Variants in SCUBE1 observed in about 807,000 individuals in gnomAD.
SCUBE1 encodes the protein signal peptide, CUB domain and EGF like domain containing 1.
SCUBE1 carries 59 observed loss-of-function variants against 124.4 expected under a neutral mutation model. The observed-to-expected ratio is 0.47, with a 90% CI of 0.38 to 0.59. The LOEUF (loss-of-function observed/expected upper bound fraction) is 0.59, where lower values mean the gene tolerates loss of function less well. SCUBE1 is among the 20% of genes least tolerant of loss of function. The pLI, the probability that SCUBE1 is intolerant of heterozygous loss-of-function variation, is 0.00. For missense variants in SCUBE1, 1,150 were observed against 1,371.2 expected (o/e 0.84, Z 2.55); for synonymous variants, 545 against 550.9 (o/e 0.99, Z 0.15).
At chr22:43,283,824 T>C (rs759515863) in intron 4 of SCUBE1, 3 of 152,282 alleles carry the variant, frequency 2.0e-5, no homozygotes, top group Non-Finnish European at 4.4e-5. Flanking sequence ...TAAAAAATTC[T>C]AAAAAATCCT....
At chr22:43,281,509 T>TCCTCAGCAACCCTGTCACCTC (rs1924877691) in intron 4 of SCUBE1, among the ~76,000 whole-genome samples, 1 of 50,308 alleles carries the variant, frequency 2.0e-5, no homozygotes, top group Non-Finnish European at 3.3e-5. Context: ...TGTCACCTCC[T>TCCTCAGCAACCCTGTCACCTC]CCTCAGCCAC....
At chr22:43,208,374 C>G (rs1921389000) in intron 19 of SCUBE1, 150 bp from the exon 20 acceptor site, 1 of 715,886 alleles carries the variant, frequency 1.4e-6, no homozygotes, top group Non-Finnish European at 2.4e-6. Flanking sequence ...CTTGCTCCCT[C>G]TGCCTCTGAG....
In SCUBE1 at chr22:43,211,582, T is replaced by C. The variant is rs1310788593; in HGVS notation, c.2222-499A>G. Among the ~76,000 whole-genome samples, 1 of 151,080 alleles carries C rather than the reference T, an allele frequency of 6.6e-6. No individual in the cohort carries two copies. Among genetic ancestry groups the C allele is most frequent in the Non-Finnish European group, 1.5e-5 (1 of 67,826 alleles). ...CCCAGGCTGGAGTGCAATGGTGCCA[T>C]CTCGGCTCACTGCAACCTCCACCTC... On this transcript the variant is annotated intron_variant, in intron 17 of 21. Coordinates refer to ENST00000360835, the MANE Select transcript of SCUBE1 (RefSeq NM_173050.5). The surrounding 1 kb of genome is among the most constrained non-coding windows in gnomAD (Gnocchi z 4.5).
At chr22:43,220,799 A>G (rs898943113) in intron 13 of SCUBE1, among the ~76,000 whole-genome samples, 1 of 152,162 alleles carries the variant, frequency 6.6e-6, no homozygotes, top group Non-Finnish European at 1.5e-5. Context: ...ACGCTGCTGC[A>G]GGTGGAGGCA....
chr22:43,227,095 T>C (rs1922348956), intron 10 of SCUBE1, among the ~76,000 whole-genome samples: 1 of 152,172 alleles, frequency 6.6e-6, no homozygotes, highest in African/African-American at 2.4e-5. Flanking sequence ...GGGCTGCACA[T>C]GGACCTGCAG....
chr22:43,322,638 T>G (rs1926596636), intron 2 of SCUBE1, among the ~76,000 whole-genome samples: 1 of 152,130 alleles, frequency 6.6e-6, no homozygotes, highest in Non-Finnish European at 1.5e-5. Context: ...CCCCAAACTG[T>G]TCCCTCCCTC....
At chr22:43,339,415 G>A (rs1049703779) in intron 1 of SCUBE1, among the ~76,000 whole-genome samples, 180 bp from the exon 2 acceptor site, 1 of 152,028 alleles carries the variant, frequency 6.6e-6, no homozygotes, top group Non-Finnish European at 1.5e-5. Flanking sequence ...CATCTTTGGC[G>A]CAGCTACTCT....
intron 1 of SCUBE1, among the ~76,000 whole-genome samples, chr22:43,341,080 T>C (rs1927297617): frequency 7.4e-6 from 1 of 135,802 alleles, no homozygotes; most frequent in Admixed American, 7.0e-5. Flanking sequence ...ATGACCCCCC[T>C]GCACACACAC....
chr22:43,231,432 C>T (rs1251835586), intron 8 of SCUBE1, among the ~76,000 whole-genome samples: 1 of 152,218 alleles, frequency 6.6e-6, no homozygotes, highest in Non-Finnish European at 1.5e-5. Flanking sequence ...GGCAGCATCC[C>T]ACCTCCGAAG....
chr22:43,249,300 C>T (rs1237487637), intron 6 of SCUBE1, among the ~76,000 whole-genome samples: 9 of 86,136 alleles, frequency 1.0e-4, no homozygotes, highest in East Asian at 3.3e-4. Flanking sequence ...AGAGGAGGTA[C>T]GGGCGGGGTG....
At position 43,258,163 on chromosome 22, in the gene SCUBE1, T is replaced by C. The variant is rs1261706499; in HGVS notation, c.727+56A>G. On this transcript the variant is annotated intron_variant, in intron 6 of 21. Coordinates refer to ENST00000360835, the MANE Select transcript of SCUBE1 (RefSeq NM_173050.5). The surrounding 1 kb of genome is among the most constrained non-coding windows in gnomAD (Gnocchi z 5.0). ...GGTGCTGGCCCTGCTGGTGCACGCA[T>C]GGGGGGTCGGGGGCGGGGGGCGCAA... The C allele has an allele frequency of 2.2e-6, 2 of 927,522 alleles. No homozygotes were observed. Among genetic ancestry groups the C allele is most frequent in the Admixed American group, 2.0e-5 (1 of 50,804 alleles). The allele number at this position is 927,522 out of a possible 1,614,324, so 57.5% of individuals were successfully genotyped here.
chr22:43,309,041 G>A (rs900566768), intron 3 of SCUBE1, among the ~76,000 whole-genome samples: 20 of 152,002 alleles, frequency 1.3e-4, no homozygotes, highest in Admixed American at 7.9e-4. Context: ...AGCGGACCGT[G>A]GGCAGCAGCT....
chr22:43,261,627 G>A (rs540042999), intron 5 of SCUBE1, among the ~76,000 whole-genome samples: 12 of 152,198 alleles, frequency 7.9e-5, no homozygotes, highest in Admixed American at 1.3e-4. Flanking sequence ...GTGGAAGAAC[G>A]GTCATTTTCT....
rs2146655856 is a variant in SCUBE1, at chr22:43,211,926, C to T, written c.2221+499G>A. Reference sequence around the variant, plus strand: ...CTGAGAGCCAGGCCACCTGGACAGACAGACAGACACTGAGAGGGAGCACGG... The same window carrying T: ...CTGAGAGCCAGGCCACCTGGACAGATAGACAGACACTGAGAGGGAGCACGG... On this transcript the variant is annotated intron_variant, in intron 17 of 21. Transcript: ENST00000360835. The surrounding 1 kb of genome is among the most constrained non-coding windows in gnomAD (Gnocchi z 4.5). Among the ~76,000 whole-genome samples the T allele has an allele frequency of 6.6e-6, 1 of 152,208 alleles. No homozygotes were observed. Among genetic ancestry groups the T allele is most frequent in the South Asian group, 2.1e-4 (1 of 4,824 alleles).
chr22:43,271,864 C>T lies in SCUBE1; in HGVS notation c.485-9019G>A, dbSNP rs567529063. ...CCACAGTGGGCTCTTTGCAAACATT[C>T]CTAATTGAACATCTCAATGACCAAG... On this transcript the variant is annotated intron_variant, in intron 4 of 21. Transcript: ENST00000360835. 2.6e-5 allele frequency among the ~76,000 whole-genome samples: 4 copies of T among 152,288 alleles called. No individual in the cohort carries two copies. The East Asian group carries it at 5.8e-4, about 22-fold the overall frequency.
intron 6 of SCUBE1, among the ~76,000 whole-genome samples, chr22:43,239,614 C>A (rs1254430329): frequency 6.6e-6 from 1 of 152,246 alleles, no homozygotes; most frequent in Non-Finnish European, 1.5e-5. Context: ...TAACCGAGGT[C>A]ATTGAAGCCG....
In SCUBE1 at chr22:43,231,316, C is replaced by G. The variant is rs140112613; in HGVS notation, c.967+437G>C. Among the ~76,000 whole-genome samples the G allele has an allele frequency of 9.2e-5, 14 of 152,352 alleles. No individual in the cohort carries two copies. In the East Asian group the frequency reaches 2.7e-3, roughly 29 times the overall value. On this transcript the variant is annotated intron_variant, in intron 8 of 21. Transcript: ENST00000360835. ...GGATCCCACTAGACTCTTCCTGGGC[C>G]GGGATTCTTGGCTTCTGCCCAGACC... is the stretch of plus-strand genomic sequence containing the variant.
intron 6 of SCUBE1, among the ~76,000 whole-genome samples, chr22:43,249,093 C>T (rs1346687641): frequency 1.3e-5 from 2 of 152,010 alleles, no homozygotes; most frequent in Non-Finnish European, 2.9e-5. Flanking sequence ...TCAGGTAGAA[C>T]CACCCAAGAT....
chr22:43,330,126 G>T (rs778867627), intron 2 of SCUBE1, among the ~76,000 whole-genome samples: 1 of 151,936 alleles, frequency 6.6e-6, no homozygotes, highest in South Asian at 2.1e-4. Context: ...AGACAGCGAG[G>T]CCCCTTCCCT....
Sources: allele counts gnomAD v4.1 joint callset (sites outside exome capture counted in the v4.1 genomes callset), GRCh38; gene constraint gnomAD v4.1.1; non-coding constraint Gnocchi (gnomAD v3.1); transcripts MANE v1.5; gene names NCBI Gene and HGNC (gene_info 2026-07-23, HGNC 2026-07-21).